The following ASB2 variants were observed in gnomAD, a reference collection of about 807,000 sequenced individuals.
ASB2 encodes ankyrin repeat and SOCS box containing 2.
Under a neutral mutation model 62.4 loss-of-function variants are expected in ASB2, and 58 were observed. The observed-to-expected ratio is 0.93, with a 90% CI of 0.75 to 1.16. The LOEUF (loss-of-function observed/expected upper bound fraction) is 1.16. Among genes scored for constraint, ASB2 ranks in the 50% most tolerant of loss-of-function variants. The pLI is 0.00. For synonymous variants in ASB2, 386 were observed against 385.3 expected, an observed-to-expected ratio of 1.00 and a Z score of -0.02; for missense variants, 928 against 887.9, an observed-to-expected ratio of 1.05 and a Z score of -0.57.
Position 93,939,496 on chromosome 14 carries a change from C to T in ASB2, c.1229G>A (p.Arg410Gln). Reference sequence around the variant, plus strand: ...CGCGAAGTACAGCGCGGAGCTGCGCCGGTCTTCGTAGAGGCGCGCGCGCTC... The same window carrying T: ...CGCGAAGTACAGCGCGGAGCTGCGCTGGTCTTCGTAGAGGCGCGCGCGCTC... ...APERARLYED[R>Q]RSSALYFAVV... Residue 410 changes from arginine to glutamine, a missense_variant, in exon 8 of 10, where the codon CGG (arginine) becomes CAG (glutamine). Coordinates refer to ENST00000555019, the MANE Select transcript of ASB2 (RefSeq NM_001202429.2). The T allele has an allele frequency of 1.2e-6, 2 of 1,610,746 alleles. No homozygotes were observed.
chr14:93,966,731 T>G (rs929339485), intron 1 of ASB2, among the ~76,000 whole-genome samples: 6 of 152,192 alleles, frequency 3.9e-5, no homozygotes, highest in Non-Finnish European at 7.3e-5. Flanking sequence ...TTAACGAATG[T>G]CTCTCAGGCC....
Position 93,951,147 on chromosome 14 carries a change from C to G in ASB2, c.732G>C (p.Glu244Asp). 1 of 1,614,208 alleles carries G rather than the reference C, an allele frequency of 6.2e-7. No homozygotes were observed. The highest frequency in any genetic ancestry group is 2.2e-5 in the East Asian group (1 of 44,888). The stretch of plus-strand genomic sequence containing the variant: ...CCTCCAGGTCATTGCGAGACACAGA[C>G]TCGTGCAGAGCGGTCCAGCCGCGGT... Reference protein sequence around the residue: ...RCNRGWTALHESVSRNDLEVM... With the variant: ...RCNRGWTALHDSVSRNDLEVM... The change falls in exon 6 of 10, where the codon GAG (glutamate) becomes GAC (aspartate). Residue 244 changes from glutamate (E) to aspartate (D), a missense_variant. Physicochemically the swap from Glu to Asp is conservative, Grantham distance 45 (BLOSUM62 2). Coordinates refer to ENST00000555019, the MANE Select transcript of ASB2 (RefSeq NM_001202429.2).
At chr14:93,939,082 C>CCCCACCGCCAGCGTGCGCTG in intron 8 of ASB2, 26 bp downstream of exon 8, 1 of 1,435,398 alleles carries the variant, frequency 7.0e-7, no homozygotes, top group Middle Eastern at 2.5e-4. Flanking sequence ...AAGGCGTGCT[C>CCCCACCGCCAGCGTGCGCTG]CCCACCGCCA....
chr14:93,942,813 G>A (rs774427474), intron 7 of ASB2, among the ~76,000 whole-genome samples: 6 of 151,932 alleles, frequency 3.9e-5, no homozygotes, highest in Admixed American at 6.6e-5. Context: ...TCTCTGAACC[G>A]CACCTAAAGC....
chr14:93,966,646 A>T (rs1889601710), intron 1 of ASB2, among the ~76,000 whole-genome samples: 2 of 152,190 alleles, frequency 1.3e-5, no homozygotes, highest in South Asian at 4.1e-4. Context: ...ACCCTAGCCT[A>T]CTTGTTAGGT....
At chr14:93,935,621 T>C (rs1475832974) in intron 9 of ASB2, among the ~76,000 whole-genome samples, 1 of 151,956 alleles carries the variant, frequency 6.6e-6, no homozygotes. Context: ...ACAGGGGCAT[T>C]CTAAGCAGGG....
At chr14:93,949,767 G>A (rs117086984) in intron 6 of ASB2, among the ~76,000 whole-genome samples, 1,590 of 152,266 alleles carry the variant, frequency 0.01, 13 homozygotes, top group Non-Finnish European at 0.016. Flanking sequence ...GAGTTATTGA[G>A]GTCACCCTTG....
At chr14:93,975,050 G>A (rs1360438034) in intron 1 of ASB2, among the ~76,000 whole-genome samples, 2 of 152,250 alleles carry the variant, frequency 1.3e-5, no homozygotes, top group Admixed American at 6.5e-5. Context: ...CAGCTGTCAG[G>A]ACCCGTCCAA....
chr14:93,946,919 G>C (rs1888747130), intron 7 of ASB2, among the ~76,000 whole-genome samples: 1 of 152,192 alleles, frequency 6.6e-6, no homozygotes. Flanking sequence ...CTGCCCCCCA[G>C]GATAGAATTC....
At chr14:93,955,086 A>G in intron 3 of ASB2, 1 of 456,684 alleles carries the variant, frequency 2.2e-6, no homozygotes, top group Non-Finnish European at 4.4e-6. Flanking sequence ...TCCTTCCTTC[A>G]TTCATTCACT....
At position 93,956,713 on chromosome 14, in the gene ASB2, C is replaced by G. The variant is rs376345336; in HGVS notation, c.311+53G>C. 10 of 1,608,252 alleles carry G rather than the reference C, an allele frequency of 6.2e-6. No individual in the cohort carries two copies. In the South Asian group the frequency reaches 9.9e-5, roughly 16 times the overall value. ...CCTGCTTCCCACCCTCCCTGCCATC[C>G]CAGTTAGCGGAGTGAACTTGGATGG... On this transcript the variant is annotated intron_variant, in intron 3 of 9. Transcript: ENST00000555019.
At chr14:93,950,771 C>G (rs577535642) in intron 6 of ASB2, among the ~76,000 whole-genome samples, 3 of 152,118 alleles carry the variant, frequency 2.0e-5, no homozygotes, top group East Asian at 1.9e-4. Context: ...CAGACCCCCC[C>G]ATATTTGTTC....
chr14:93,939,319 G>A lies in ASB2; in HGVS notation c.1406C>T (p.Ala469Val). The change falls in exon 8 of 10, where the codon GCC becomes GTC. Residue 469 changes from alanine (A) to valine (V), a missense_variant. Transcript: ENST00000555019. Reference protein sequence around the residue: ...LLLDHGANIDAYIATHPTAFP... With the variant: ...LLLDHGANIDVYIATHPTAFP... ...GGCGGTGGGGTGCGTGGCGATATAG[G>A]CGTCGATGTTCGCGCCGTGGTCCAG... The A allele has an allele frequency of 6.2e-7, 1 of 1,610,750 alleles. No individual in the cohort carries two copies. The highest frequency in any genetic ancestry group is 8.5e-7 in the Non-Finnish European group (1 of 1,177,978).
intron 2 of ASB2, among the ~76,000 whole-genome samples, chr14:93,959,790 T>C (rs764629106): frequency 1.5e-4 from 23 of 151,660 alleles, no homozygotes; most frequent in Non-Finnish European, 3.2e-4. Flanking sequence ...GGTGAGTCAA[T>C]GGATGGCTGC....
chr14:93,957,496 T>C, intron 2 of ASB2: 1 of 640,568 alleles, frequency 1.6e-6, no homozygotes. Flanking sequence ...CAGGTTCACA[T>C]CTGGGCTCTG....
intron 9 of ASB2, among the ~76,000 whole-genome samples, chr14:93,935,601 C>T (rs114058028): frequency 0.024 from 3,681 of 152,060 alleles, 141 homozygotes; most frequent in African/African-American, 0.081. Flanking sequence ...TTTCCAGGTA[C>T]GGAAGGGGGA....
intron 7 of ASB2, 69 bp downstream of exon 7, chr14:93,947,280 C>G: frequency 1.9e-6 from 3 of 1,556,952 alleles, no homozygotes; most frequent in Non-Finnish European, 2.6e-6. Flanking sequence ...CAGGCCCACC[C>G]CTCCAATCCC....
chr14:93,948,074 G>A (rs1178802427), intron 6 of ASB2, among the ~76,000 whole-genome samples: 1 of 150,038 alleles, frequency 6.7e-6, no homozygotes, highest in Non-Finnish European at 1.5e-5. Flanking sequence ...AAGCAGCCAC[G>A]ATGATGCTGG....
chr14:93,957,145 C>G (rs1889255002), intron 2 of ASB2: 1 of 1,353,166 alleles, frequency 7.4e-7, no homozygotes, highest in African/African-American at 1.5e-5. Flanking sequence ...CCCCCGGTCC[C>G]CCTCCCCAGC....
Sources: allele counts gnomAD v4.1 joint callset (sites outside exome capture counted in the v4.1 genomes callset), GRCh38; gene constraint gnomAD v4.1.1; transcripts MANE v1.5; gene names NCBI Gene and HGNC (gene_info 2026-07-23, HGNC 2026-07-21).